Variants in LUZP2 observed in about 807,000 individuals in gnomAD.
The protein encoded by LUZP2 is leucine zipper protein 2.
In LUZP2, 52 loss-of-function variants were observed where a neutral mutation model predicts 51.6. The ratio of observed to expected loss-of-function variants is 1.01; its 90% CI spans 0.81 to 1.27. LUZP2 has a LOEUF of 1.27. Ranked by LOEUF, LUZP2 falls within the 50% of genes most tolerant of loss-of-function variation. LUZP2 has a pLI of 0.00. For synonymous variants in LUZP2, 154 were observed against 137.3 expected (o/e 1.12, Z -0.85); for missense variants, 436 against 395.4 (o/e 1.10, Z -0.87).
chr11:24,792,018 T>G (rs1849423161), intron 5 of LUZP2, among the ~76,000 whole-genome samples: 1 of 152,058 alleles, frequency 6.6e-6, no homozygotes, highest in Non-Finnish European at 1.5e-5. Context: ...TTTTTAAACT[T>G]TGAGAGCTTT....
At chr11:24,771,179 A>G (rs945859406) in intron 5 of LUZP2, among the ~76,000 whole-genome samples, 1 of 151,894 alleles carries the variant, frequency 6.6e-6, no homozygotes, top group Admixed American at 6.6e-5. Flanking sequence ...AAGCTTTCAC[A>G]TTGCAGAATC....
chr11:24,509,191 T>G (rs987909473), intron 1 of LUZP2, among the ~76,000 whole-genome samples: 3 of 152,098 alleles, frequency 2.0e-5, no homozygotes, highest in African/African-American at 7.2e-5. Context: ...TTTAGAGATG[T>G]GAAAAGCAAC....
chr11:24,953,606 C>A (rs1855136373), intron 7 of LUZP2, among the ~76,000 whole-genome samples: 1 of 151,962 alleles, frequency 6.6e-6, no homozygotes, highest in African/African-American at 2.4e-5. Flanking sequence ...GGACTTGAAA[C>A]CTCAAAACAT....
At chr11:24,776,342 G>A (rs1270028534) in intron 5 of LUZP2, among the ~76,000 whole-genome samples, 1 of 150,008 alleles carries the variant, frequency 6.7e-6, no homozygotes, top group Non-Finnish European at 1.5e-5. Flanking sequence ...TCACATTCCT[G>A]AGTCAACCAC....
intron 5 of LUZP2, among the ~76,000 whole-genome samples, chr11:24,875,175 A>C (rs112736685): frequency 6.6e-6 from 1 of 151,244 alleles, no homozygotes; most frequent in African/African-American, 2.4e-5. Flanking sequence ...ATATGTATAC[A>C]TGTGCCATGC....
At chr11:24,518,184 T>C (rs1351658301) in intron 1 of LUZP2, among the ~76,000 whole-genome samples, 1 of 150,586 alleles carries the variant, frequency 6.6e-6, no homozygotes, top group Non-Finnish European at 1.5e-5. Flanking sequence ...TTTAATTAAG[T>C]TAGATAATTT....
chr11:24,638,770 A>G (rs1459742144), intron 1 of LUZP2, among the ~76,000 whole-genome samples: 1 of 151,718 alleles, frequency 6.6e-6, no homozygotes, highest in Non-Finnish European at 1.5e-5. Context: ...AATAAAATTG[A>G]TACATTAACT....
chr11:24,852,330 A>G (rs1851422116), intron 5 of LUZP2, among the ~76,000 whole-genome samples: 1 of 152,148 alleles, frequency 6.6e-6, no homozygotes. Flanking sequence ...GGTTTCAAAT[A>G]ACTTATTTAT....
intron 1 of LUZP2, among the ~76,000 whole-genome samples, chr11:24,542,870 A>G (rs922708848): frequency 6.6e-5 from 10 of 151,730 alleles, no homozygotes; most frequent in Admixed American, 2.0e-4. Flanking sequence ...CCAAAGTATT[A>G]TGGGGTTTGT....
At chr11:24,716,902 AT>A (rs398115167) in intron 1 of LUZP2, among the ~76,000 whole-genome samples, 6 of 151,984 alleles carry the variant, frequency 3.9e-5, no homozygotes, top group Admixed American at 6.6e-5. Flanking sequence ...TCTCAAAAAA[AT>A]TTTTTTAATA....
At chr11:25,053,477 T>C (rs1342201283) in intron 10 of LUZP2, among the ~76,000 whole-genome samples, 1 of 151,934 alleles carries the variant, frequency 6.6e-6, no homozygotes, top group Non-Finnish European at 1.5e-5. Flanking sequence ...TCATCCCATT[T>C]GCTGAGTCCA....
intron 7 of LUZP2, among the ~76,000 whole-genome samples, chr11:24,925,945 T>A (rs1590738747): frequency 6.6e-6 from 1 of 151,982 alleles, no homozygotes; most frequent in East Asian, 1.9e-4. Flanking sequence ...TCTTATGCAT[T>A]TGCATCCTCC....
At chr11:24,868,861 T>C (rs1266503286) in intron 5 of LUZP2, among the ~76,000 whole-genome samples, 1 of 152,120 alleles carries the variant, frequency 6.6e-6, no homozygotes, top group East Asian at 1.9e-4. Flanking sequence ...GACAATCAGG[T>C]ATTAAAAATC....
intron 5 of LUZP2, among the ~76,000 whole-genome samples, chr11:24,870,570 T>C (rs1449242838): frequency 3.3e-5 from 5 of 151,990 alleles, no homozygotes; most frequent in Admixed American, 3.3e-4. Flanking sequence ...ATCTGTCTCT[T>C]AAATGTGTAA....
At chr11:24,688,444 C>T (rs1389190512) in intron 1 of LUZP2, among the ~76,000 whole-genome samples, 2 of 152,054 alleles carry the variant, frequency 1.3e-5, no homozygotes, top group South Asian at 2.1e-4. Flanking sequence ...TATTCTGTGC[C>T]TCTCCTGAAA....
intron 9 of LUZP2, among the ~76,000 whole-genome samples, chr11:25,046,226 CA>C (rs67542459): frequency 2.1e-5 from 3 of 144,578 alleles, no homozygotes; most frequent in African/African-American, 7.6e-5. Flanking sequence ...AGTAATCCTC[CA>C]AAAAAAAAAA....
chr11:25,048,988 G>T (rs553874608), intron 9 of LUZP2, among the ~76,000 whole-genome samples: 1 of 152,010 alleles, frequency 6.6e-6, no homozygotes, highest in Admixed American at 6.6e-5. Context: ...TATTCTATCA[G>T]CTTTATTAAC....
intron 7 of LUZP2, among the ~76,000 whole-genome samples, chr11:24,919,434 T>C (rs1175741044): frequency 1.7e-5 from 2 of 115,034 alleles, no homozygotes; most frequent in African/African-American, 6.8e-5. Context: ...TAATATATGT[T>C]ATATATTATA....
chr11:24,806,345 A>G (rs1210885399), intron 5 of LUZP2, among the ~76,000 whole-genome samples: 1 of 152,128 alleles, frequency 6.6e-6, no homozygotes, highest in African/African-American at 2.4e-5. Flanking sequence ...TACATCACGG[A>G]ATTTGGTATA....
Sources: allele counts gnomAD v4.1 joint callset (sites outside exome capture counted in the v4.1 genomes callset), GRCh38; gene constraint gnomAD v4.1.1; transcripts MANE v1.5; gene names NCBI Gene and HGNC (gene_info 2026-07-23, HGNC 2026-07-21).